PTPRG: variants seen among roughly 807,000 people sequenced by gnomAD.
The protein encoded by PTPRG is protein tyrosine phosphatase receptor type G, also known as receptor-type tyrosine-protein phosphatase gamma.
PTPRG carries 102 observed loss-of-function variants against 165.3 expected under a neutral mutation model. The observed-to-expected ratio is 0.62, with a 90% CI of 0.53 to 0.73. PTPRG has a LOEUF of 0.73. PTPRG is among the 30% of genes least tolerant of loss of function. The pLI, the probability that PTPRG is intolerant of heterozygous loss-of-function variation, is 0.00. For missense variants in PTPRG, 1,866 were observed against 1,861.4 expected (o/e 1.00, Z -0.05); for synonymous variants, 675 against 669.5 (o/e 1.01, Z -0.13).
At chr3:61,612,799 C>G (rs1701207695) in intron 1 of PTPRG, among the ~76,000 whole-genome samples, 1 of 151,944 alleles carries the variant, frequency 6.6e-6, no homozygotes, top group South Asian at 2.1e-4. Context: ...TTGATGATAT[C>G]AGCTTCGGGG....
chr3:61,604,739 G>GT (rs1294659356), intron 1 of PTPRG, among the ~76,000 whole-genome samples: 21 of 150,024 alleles, frequency 1.4e-4, no homozygotes, highest in East Asian at 7.8e-4. Flanking sequence ...CTTGCCATGA[G>GT]TTTTTTTTTC....
chr3:62,282,947 G>A (rs1442562599), intron 28 of PTPRG, 78 bp downstream of exon 28: 1 of 1,403,172 alleles, frequency 7.1e-7, no homozygotes, highest in Non-Finnish European at 9.8e-7. Flanking sequence ...AGAAAAGGAA[G>A]CCAGAATTTT....
intron 19 of PTPRG, 77 bp downstream of exon 19, chr3:62,267,896 A>G (rs1480172221): frequency 1.1e-5 from 17 of 1,509,986 alleles, no homozygotes; most frequent in Non-Finnish European, 5.4e-6. Context: ...GCTTTAGGGT[A>G]GGAACTTGAC....
chr3:62,153,819 G>C (rs1704434279), intron 6 of PTPRG, among the ~76,000 whole-genome samples: 1 of 152,176 alleles, frequency 6.6e-6, no homozygotes, highest in African/African-American at 2.4e-5. Flanking sequence ...GCTGGTATTT[G>C]AACCTGGGCA....
At chr3:62,184,914 C>T (rs1356074699) in intron 8 of PTPRG, among the ~76,000 whole-genome samples, 1 of 151,932 alleles carries the variant, frequency 6.6e-6, no homozygotes, top group Non-Finnish European at 1.5e-5. Context: ...AAGAAGGCCC[C>T]TGGAGGAACC....
Position 61,801,909 on chromosome 3 carries a change from C to T in PTPRG, c.190+52927C>T, listed in dbSNP as rs2035257632. On this transcript the variant is annotated intron_variant, in intron 2 of 29. Transcript: ENST00000474889. ...CCGTGGTGGCGTGCGCCTGTAGTCCCAGCTACTCAGGAGGCTGAGGCAGGA... is the reference window on the plus strand; with the variant it reads ...CCGTGGTGGCGTGCGCCTGTAGTCCTAGCTACTCAGGAGGCTGAGGCAGGA... 2.0e-5 allele frequency among the ~76,000 whole-genome samples: 3 copies of T among 152,012 alleles called. No homozygotes were observed. In the South Asian group the frequency reaches 6.2e-4, roughly 32 times the overall value.
intron 20 of PTPRG, among the ~76,000 whole-genome samples, chr3:62,270,925 A>G (rs933465601): frequency 1.3e-5 from 2 of 152,200 alleles, no homozygotes; most frequent in Non-Finnish European, 2.9e-5. Flanking sequence ...AAATCTTCCC[A>G]TCACTTCCTG....
At chr3:61,927,299 A>G (rs916519816) in intron 2 of PTPRG, among the ~76,000 whole-genome samples, 17 of 152,162 alleles carry the variant, frequency 1.1e-4, no homozygotes, top group Non-Finnish European at 1.2e-4. Context: ...TTCATGGTAT[A>G]TCTTCAGGTC....
chr3:61,586,075 GT>G (rs552444989), intron 1 of PTPRG, among the ~76,000 whole-genome samples: 10 of 152,258 alleles, frequency 6.6e-5, no homozygotes, highest in African/African-American at 2.4e-4. Flanking sequence ...AATGCATTTT[GT>G]TTTCTGCTTT....
chr3:61,657,211 T>G (rs1370622768), intron 1 of PTPRG, among the ~76,000 whole-genome samples: 5 of 152,116 alleles, frequency 3.3e-5, no homozygotes, highest in Admixed American at 6.5e-5. Flanking sequence ...TTTGTTCAAT[T>G]TCTTCTTGGT....
chr3:62,023,258 A>G (rs1485647462), intron 4 of PTPRG, among the ~76,000 whole-genome samples: 1 of 152,208 alleles, frequency 6.6e-6, no homozygotes, highest in African/African-American at 2.4e-5. Flanking sequence ...TGTCTCCCAC[A>G]TAATACTAAT....
intron 4 of PTPRG, among the ~76,000 whole-genome samples, chr3:62,050,084 A>C (rs1339964010): frequency 6.6e-6 from 1 of 152,208 alleles, no homozygotes; most frequent in African/African-American, 2.4e-5. Flanking sequence ...GAAATTGTTA[A>C]AAGAGGTGCA....
At chr3:61,978,109 C>T (rs540630906) in intron 2 of PTPRG, among the ~76,000 whole-genome samples, 4 of 152,298 alleles carry the variant, frequency 2.6e-5, no homozygotes, top group Admixed American at 2.0e-4. Flanking sequence ...GCCTCAGCCT[C>T]CCAAAGTGCT....
At chr3:61,727,819 T>G (rs2032326384) in intron 1 of PTPRG, among the ~76,000 whole-genome samples, 1 of 152,208 alleles carries the variant, frequency 6.6e-6, no homozygotes, top group Admixed American at 6.5e-5. Context: ...TCACCTACCA[T>G]GACACTGAAA....
intron 2 of PTPRG, among the ~76,000 whole-genome samples, chr3:61,792,199 C>A (rs756834153): frequency 6.6e-6 from 1 of 151,078 alleles, no homozygotes; most frequent in Non-Finnish European, 1.5e-5. Context: ...TTTCTTGAGG[C>A]GGGGAGTTGG....
At chr3:61,794,057 G>A (rs1176371351) in intron 2 of PTPRG, among the ~76,000 whole-genome samples, 1 of 152,110 alleles carries the variant, frequency 6.6e-6, no homozygotes, top group Non-Finnish European at 1.5e-5. Flanking sequence ...CTTAGTGTTG[G>A]AGAAAGGCGA....
At chr3:61,671,138 C>CTTT (rs11356444) in intron 1 of PTPRG, among the ~76,000 whole-genome samples, 1 of 125,006 alleles carries the variant, frequency 8.0e-6, no homozygotes, top group Non-Finnish European at 1.7e-5. Flanking sequence ...TATGAACTTT[C>CTTT]TTTTTTTTTT....
rs774262138 is a variant in PTPRG at position 62,080,061 on chromosome 3, C to CTTTTT, written c.615+1803_615+1804insTTTTT. 6.3e-3 allele frequency among the ~76,000 whole-genome samples: 708 copies of CTTTTT among 111,512 alleles called. 64 individuals carry two copies. The highest frequency in any genetic ancestry group is 0.024 in the African/African-American group (657 of 27,764). 73.2% of individuals were successfully genotyped at this position (111,512 alleles called of 152,430 possible). A position where few individuals can be genotyped will look rare whatever the true frequency, so the allele number is the denominator to read the frequency against. On this transcript the variant is annotated intron_variant, in intron 5 of 29. Coordinates refer to ENST00000474889, the MANE Select transcript of PTPRG (RefSeq NM_002841.4). The stretch of plus-strand genomic sequence containing the variant: ...GAGTTCTGTCTGGACCCCTTCGGTT[C>CTTTTT]ATTTTTTTTTTTTTTTTTTTTGAGA...
chr3:61,753,929 C>T (rs1035238029), intron 2 of PTPRG, among the ~76,000 whole-genome samples: 1 of 152,108 alleles, frequency 6.6e-6, no homozygotes, highest in Non-Finnish European at 1.5e-5. Context: ...TATTTTCTCT[C>T]TTGCCACTCA....
Sources: gnomAD v4.1 joint callset for allele counts (sites outside exome capture counted in the v4.1 genomes callset) on GRCh38, gnomAD v4.1.1 for gene constraint, MANE v1.5 for transcripts, NCBI Gene and HGNC (gene_info 2026-07-23, HGNC 2026-07-21) for gene names.